The following PTPRN2 variants were observed in gnomAD, a reference collection of about 807,000 sequenced individuals.
PTPRN2 encodes receptor-type tyrosine-protein phosphatase N2.
A neutral mutation model predicts 118.8 loss-of-function variants in PTPRN2; 74 were observed. That is an observed-to-expected ratio of 0.62 (90% CI 0.52 to 0.76). The LOEUF (loss-of-function observed/expected upper bound fraction) is 0.76. PTPRN2 is among the 30% of genes least tolerant of loss of function. PTPRN2 has a pLI of 0.00. For synonymous variants in PTPRN2, 641 were observed against 608.0 expected, an observed-to-expected ratio of 1.05 and a Z score of -0.80; for missense variants, 1,481 against 1,394.4, an observed-to-expected ratio of 1.06 and a Z score of -0.99.
In PTPRN2 at chr7:158,146,944, T is replaced by C. The variant is rs1284221161; in HGVS notation, c.911-8429A>G. Among the ~76,000 whole-genome samples the C allele has an allele frequency of 2.0e-5, 3 of 148,416 alleles. No homozygotes were observed. The East Asian group carries it at 5.9e-4, about 29-fold the overall frequency. On this transcript the variant is annotated intron_variant, in intron 6 of 22. Transcript: ENST00000389418. ...ACACCCCATCTCACGCCACGTGTCTTTCCCCCTCAATGACACCCCATCTCA... is the reference window on the plus strand; with the variant it reads ...ACACCCCATCTCACGCCACGTGTCTCTCCCCCTCAATGACACCCCATCTCA...
At chr7:157,758,028 C>T (rs971705253) in intron 12 of PTPRN2, among the ~76,000 whole-genome samples, 1 of 152,216 alleles carries the variant, frequency 6.6e-6, no homozygotes, top group Non-Finnish European at 1.5e-5. Flanking sequence ...CAGGGGTTTG[C>T]GGGAGGGACA....
At chr7:157,989,999 C>T (rs1411800383) in intron 11 of PTPRN2, among the ~76,000 whole-genome samples, 1 of 152,124 alleles carries the variant, frequency 6.6e-6, no homozygotes, top group Non-Finnish European at 1.5e-5. Flanking sequence ...CTTCGTGTCC[C>T]TTCTTTGACA....
intron 3 of PTPRN2, among the ~76,000 whole-genome samples, chr7:158,251,680 G>A (rs1434378014): frequency 2.0e-5 from 3 of 150,648 alleles, no homozygotes; most frequent in Non-Finnish European, 4.4e-5. Context: ...TGTCTATGGT[G>A]CACGTGTGGT....
chr7:158,126,895 T>C (rs190637647), intron 9 of PTPRN2, among the ~76,000 whole-genome samples: 4 of 152,252 alleles, frequency 2.6e-5, no homozygotes, highest in Admixed American at 1.3e-4. Context: ...GGCCGGCGGA[T>C]CCCTGCCTTC....
chr7:158,098,923 G>A, intron 10 of PTPRN2, among the ~76,000 whole-genome samples: 1 of 151,792 alleles, frequency 6.6e-6, no homozygotes, highest in East Asian at 1.9e-4. Flanking sequence ...CTTGAGGGGA[G>A]CCGGGCTTCT....
At chr7:157,851,860 T>C (rs1212550286) in intron 12 of PTPRN2, among the ~76,000 whole-genome samples, 1 of 152,196 alleles carries the variant, frequency 6.6e-6, no homozygotes, top group East Asian at 1.9e-4. Flanking sequence ...GCCTCAGCGC[T>C]CCCGCGCCTG....
chr7:158,133,205 C>T (rs1051041814), intron 9 of PTPRN2, among the ~76,000 whole-genome samples: 2 of 152,210 alleles, frequency 1.3e-5, no homozygotes, highest in Non-Finnish European at 2.9e-5. Context: ...CACCTGGAGT[C>T]CTTCCTAACA....
chr7:157,649,559 T>C (rs1805476954), intron 14 of PTPRN2, among the ~76,000 whole-genome samples: 2 of 118,582 alleles, frequency 1.7e-5, no homozygotes, highest in East Asian at 3.1e-4. Context: ...GTCGGACCCA[T>C]CCAGCGTGCA....
At chr7:157,982,275 AG>A (rs1163733009) in intron 11 of PTPRN2, among the ~76,000 whole-genome samples, 1 of 49,344 alleles carries the variant, frequency 2.0e-5, no homozygotes, top group Non-Finnish European at 4.1e-5. Context: ...AGAGCCAAGG[AG>A]GGGAATGCAG....
intron 1 of PTPRN2, among the ~76,000 whole-genome samples, chr7:158,500,778 C>T (rs1206486512): frequency 1.3e-5 from 2 of 152,264 alleles, no homozygotes; most frequent in Non-Finnish European, 2.9e-5. Flanking sequence ...CAACGGTTTT[C>T]GCTCTTAAGC....
intron 11 of PTPRN2, among the ~76,000 whole-genome samples, chr7:157,941,506 C>A (rs1800125571): frequency 6.6e-6 from 1 of 151,928 alleles, no homozygotes; most frequent in African/African-American, 2.4e-5. Context: ...AAATCTAACT[C>A]CCTCCCCCAT....
At position 157,881,140 on chromosome 7, in the gene PTPRN2, G is replaced by A. The variant is rs116453402; in HGVS notation, c.1788+17533C>T. Among the ~76,000 whole-genome samples the A allele has an allele frequency of 6.3e-3, 934 of 148,800 alleles. 3 individuals are homozygous for A. The highest frequency in any genetic ancestry group is 0.022 in the African/African-American group (862 of 38,414). ...ATTATGATAAAATGAAGTCATGAGG[G>A]TATGTGGAGATGGAGGTGTTTACAG... is the stretch of plus-strand genomic sequence containing the variant. On this transcript the variant is annotated intron_variant, in intron 12 of 22. Transcript: ENST00000389418. The surrounding 1 kb of genome is among the most constrained non-coding windows in gnomAD (Gnocchi z 4.7).
intron 1 of PTPRN2, among the ~76,000 whole-genome samples, chr7:158,550,157 G>T (rs572770364): frequency 7.2e-5 from 11 of 152,220 alleles, no homozygotes; most frequent in Non-Finnish European, 1.5e-4. Flanking sequence ...GCGTCGGGGT[G>T]GAGATTGACT....
At chr7:157,819,226 C>T (rs1025632734) in intron 12 of PTPRN2, among the ~76,000 whole-genome samples, 1 of 152,184 alleles carries the variant, frequency 6.6e-6, no homozygotes, top group Non-Finnish European at 1.5e-5. Context: ...GGGACGCGCT[C>T]ATTTGGCGCT....
intron 17 of PTPRN2, among the ~76,000 whole-genome samples, chr7:157,594,129 C>T (rs949039754): frequency 2.6e-5 from 4 of 152,294 alleles, no homozygotes; most frequent in African/African-American, 4.8e-5. Flanking sequence ...CAAGGGTGCT[C>T]GGAGGCCCTC....
At chr7:158,130,999 G>A (rs569160695) in intron 9 of PTPRN2, among the ~76,000 whole-genome samples, 8 of 148,128 alleles carry the variant, frequency 5.4e-5, no homozygotes, top group Admixed American at 1.3e-4. Flanking sequence ...TGCAGAAATC[G>A]ACACACTACC....
chr7:158,278,745 T>C (rs1001040764), intron 3 of PTPRN2, among the ~76,000 whole-genome samples: 3 of 152,166 alleles, frequency 2.0e-5, no homozygotes, highest in Non-Finnish European at 4.4e-5. Context: ...TTCCGGTGGG[T>C]TCATGGTCTC....
rs1033265317 is a variant in PTPRN2 at position 157,794,035 on chromosome 7, C to T, written c.1788+104638G>A. Among the ~76,000 whole-genome samples, 2 of 152,168 alleles carry T rather than the reference C, an allele frequency of 1.3e-5. No homozygotes were observed. Among genetic ancestry groups the T allele is most frequent in the African/African-American group, 4.8e-5 (2 of 41,434 alleles). ...AGGCCACCTTCGGGCCTCGGCAGCA[C>T]ACCTCGAGGGGCCCAGGACAAGCTC... On this transcript the variant is annotated intron_variant, in intron 12 of 22. Transcript: ENST00000389418. The surrounding 1 kb of genome is among the most constrained non-coding windows in gnomAD (Gnocchi z 5.2).
Position 157,667,590 on chromosome 7 carries a change from T to G in PTPRN2, c.2002-11039A>C, listed in dbSNP as rs1303209895. ...GGATGACCCTCTGGCCACTCTGTCCTGCTGATGAGACCCTCTCCCTGCCTC... is the reference window on the plus strand; with the variant it reads ...GGATGACCCTCTGGCCACTCTGTCCGGCTGATGAGACCCTCTCCCTGCCTC... On this transcript the variant is annotated intron_variant, in intron 13 of 22. Coordinates refer to ENST00000389418, the MANE Select transcript of PTPRN2 (RefSeq NM_002847.5). Among the ~76,000 whole-genome samples, 3 of 152,220 alleles carry G rather than the reference T, an allele frequency of 2.0e-5. No individual in the cohort carries two copies. The East Asian group carries it at 5.8e-4, about 29-fold the overall frequency.
Sources: allele counts gnomAD v4.1 joint callset (sites outside exome capture counted in the v4.1 genomes callset), GRCh38; gene constraint gnomAD v4.1.1; non-coding constraint Gnocchi (gnomAD v3.1); transcripts MANE v1.5; gene names NCBI Gene and HGNC (gene_info 2026-07-23, HGNC 2026-07-21).